Variants in TEX9 observed in about 807,000 individuals in gnomAD.
TEX9 encodes testis expressed 9.
TEX9 carries 74 observed loss-of-function variants against 59.6 expected under a neutral mutation model. That is an observed-to-expected ratio of 1.24 (90% confidence interval 1.03 to 1.51). The LOEUF (loss-of-function observed/expected upper bound fraction) is 1.51. Ranked by LOEUF, TEX9 falls within the 40% of genes most tolerant of loss-of-function variation. The pLI is 0.00. For synonymous variants in TEX9, 186 were observed against 152.2 expected, an observed-to-expected ratio of 1.22 and a Z score of -1.64; for missense variants, 522 against 447.8, an observed-to-expected ratio of 1.17 and a Z score of -1.49.
intron 1 of TEX9, among the ~76,000 whole-genome samples, chr15:56,317,178 C>A (rs544193184): frequency 1.3e-5 from 2 of 152,214 alleles, no homozygotes; most frequent in East Asian, 1.9e-4. Flanking sequence ...CTCCTCCCCC[C>A]TTGTGGGAAG....
chr15:56,265,070 A>G (rs1335057841), intron 1 of TEX9, among the ~76,000 whole-genome samples: 2 of 151,784 alleles, frequency 1.3e-5, no homozygotes, highest in Non-Finnish European at 2.9e-5. Flanking sequence ...TTTTTTGTGT[A>G]CTAGCTCTTT....
chr15:56,371,069 C>T (rs2047171784), intron 2 of TEX9, among the ~76,000 whole-genome samples: 1 of 152,078 alleles, frequency 6.6e-6, no homozygotes, highest in South Asian at 2.1e-4. Flanking sequence ...GTTGGCCAGG[C>T]TGGTCTCCTG....
At chr15:56,423,822 C>T (rs2050110613) in intron 10 of TEX9, among the ~76,000 whole-genome samples, 1 of 152,104 alleles carries the variant, frequency 6.6e-6, no homozygotes, top group Non-Finnish European at 1.5e-5. Context: ...GTTGGTTACA[C>T]AGATAAGTGC....
At chr15:56,287,832 G>A (rs1333823978) in intron 1 of TEX9, among the ~76,000 whole-genome samples, 2 of 152,126 alleles carry the variant, frequency 1.3e-5, no homozygotes, top group East Asian at 3.8e-4. Flanking sequence ...GGCCATCCAT[G>A]TTGTCACAAA....
intron 10 of TEX9, among the ~76,000 whole-genome samples, chr15:56,413,124 CTGTATTGACCTGAA>C: frequency 1.0e-5 from 1 of 96,274 alleles, no homozygotes; most frequent in East Asian, 2.3e-4. Flanking sequence ...CTTTTTGGTT[CTGTATTGACCTGAA>C]AGGGTAATAA....
At chr15:56,451,775 T>C in the TEX9 span, among the ~76,000 whole-genome samples, 1 of 152,174 alleles carries the variant, frequency 6.6e-6, no homozygotes, top group Non-Finnish European at 1.5e-5. Context: ...ATGTAGTTTA[T>C]TGGGACATGA....
intron 1 of TEX9, among the ~76,000 whole-genome samples, chr15:56,255,911 A>G (rs1213299506): frequency 6.6e-6 from 1 of 152,078 alleles, no homozygotes; most frequent in East Asian, 1.9e-4. Flanking sequence ...GTGAATGCAT[A>G]GTCTCCTCAA....
intron 1 of TEX9, among the ~76,000 whole-genome samples, chr15:56,257,886 T>C (rs1455580298): frequency 6.6e-6 from 1 of 152,156 alleles, no homozygotes; most frequent in Non-Finnish European, 1.5e-5. Flanking sequence ...CTGATTGGTA[T>C]TGCCTAGGTT....
chr15:56,280,130 G>T (rs2682069), intron 1 of TEX9, among the ~76,000 whole-genome samples: 1 of 152,182 alleles, frequency 6.6e-6, no homozygotes, highest in African/African-American at 2.4e-5. Flanking sequence ...ATGATGTTCA[G>T]TAAGTTAATT....
intron 9 of TEX9, among the ~76,000 whole-genome samples, chr15:56,406,233 A>C (rs1160630865): frequency 2.6e-5 from 4 of 151,984 alleles, no homozygotes; most frequent in African/African-American, 9.7e-5. Context: ...ATATCTGGCT[A>C]TTTTTCTTCA....
chr15:56,331,850 C>T (rs2046152601), intron 1 of TEX9, among the ~76,000 whole-genome samples: 1 of 148,556 alleles, frequency 6.7e-6, no homozygotes, highest in Non-Finnish European at 1.5e-5. Flanking sequence ...ATTTATGCAG[C>T]CAAAAAACAC....
intron 1 of TEX9, among the ~76,000 whole-genome samples, chr15:56,261,836 C>G (rs1034373355): frequency 6.6e-6 from 1 of 152,200 alleles, no homozygotes; most frequent in Admixed American, 6.5e-5. Flanking sequence ...TCCCTTGGAG[C>G]TGAGATAGCC....
chr15:56,391,370 G>C (rs1289325744), exon 7 of TEX9: 1 of 1,579,068 alleles, frequency 6.3e-7, no homozygotes, highest in East Asian at 2.3e-5. Context: ...AGGCTTACCT[G>C]AATATATAGA....
chr15:56,316,020 C>T (rs1263562999), intron 1 of TEX9, among the ~76,000 whole-genome samples: 1 of 151,098 alleles, frequency 6.6e-6, no homozygotes, highest in Non-Finnish European at 1.5e-5. Context: ...TTAAGCACTT[C>T]TCTGTATTGG....
At chr15:56,263,377 C>G (rs2044311078) in intron 1 of TEX9, among the ~76,000 whole-genome samples, 1 of 152,094 alleles carries the variant, frequency 6.6e-6, no homozygotes, top group Non-Finnish European at 1.5e-5. Context: ...CACTGGTGTG[C>G]TTAGTCCGTT....
At chr15:56,446,895 A>G, downstream of TEX9, 1 of 1,610,586 alleles carries the variant, frequency 6.2e-7, no homozygotes, top group Non-Finnish European at 8.5e-7. Context: ...CCCTTTCTTT[A>G]TTCATGTAAG....
chr15:56,377,937 G>A (rs1459413412), intron 3 of TEX9, among the ~76,000 whole-genome samples: 1 of 152,124 alleles, frequency 6.6e-6, no homozygotes, highest in Non-Finnish European at 1.5e-5. Flanking sequence ...AAGGGATGTT[G>A]AACTTTATCA....
intron 1 of TEX9, among the ~76,000 whole-genome samples, chr15:56,303,171 GA>G (rs1379606341): frequency 6.6e-6 from 1 of 152,156 alleles, no homozygotes; most frequent in East Asian, 1.9e-4. Flanking sequence ...AATCAGCAAA[GA>G]AACATTGGAC....
intron 1 of TEX9, among the ~76,000 whole-genome samples, chr15:56,277,346 T>G (rs2044696627): frequency 6.6e-6 from 1 of 152,222 alleles, no homozygotes; most frequent in African/African-American, 2.4e-5. Flanking sequence ...GAGTTAATTT[T>G]TGTTTAAGGT....
Sources: gnomAD v4.1 joint callset for allele counts (sites outside exome capture counted in the v4.1 genomes callset) on GRCh38, gnomAD v4.1.1 for gene constraint, MANE v1.5 for transcripts, NCBI Gene and HGNC (gene_info 2026-07-23, HGNC 2026-07-21) for gene names.